MAD1L1: variants seen among roughly 807,000 people sequenced by gnomAD.
The protein encoded by MAD1L1 is mitotic spindle assembly checkpoint protein MAD1.
A neutral mutation model predicts 96.9 loss-of-function variants in MAD1L1; 95 were observed. The ratio of observed to expected loss-of-function variants is 0.98; its 90% CI spans 0.83 to 1.16. The LOEUF is 1.16. MAD1L1 is among the 50% of genes most tolerant of loss of function. The pLI is 0.00. For missense variants in MAD1L1, 1,007 were observed against 954.4 expected (o/e 1.06, Z -0.73); for synonymous variants, 473 against 396.6 (o/e 1.19, Z -2.29).
intron 11 of MAD1L1, among the ~76,000 whole-genome samples, chr7:2,124,687 C>T (rs1242004826): frequency 6.6e-6 from 1 of 152,320 alleles, no homozygotes; most frequent in South Asian, 2.1e-4. Flanking sequence ...GGTTCTCACA[C>T]ACCCCGGGAG....
At chr7:2,042,773 G>T (rs1783744487) in intron 12 of MAD1L1, among the ~76,000 whole-genome samples, 1 of 152,178 alleles carries the variant, frequency 6.6e-6, no homozygotes, top group African/African-American at 2.4e-5. Flanking sequence ...AGAAGCAGAT[G>T]CCGGCGCTGT....
chr7:2,074,873 G>A (rs970400614), intron 11 of MAD1L1, among the ~76,000 whole-genome samples: 1 of 152,218 alleles, frequency 6.6e-6, no homozygotes, highest in Non-Finnish European at 1.5e-5. Context: ...GGGACAGCCT[G>A]TGGTGTCAGA....
At chr7:2,019,145 G>A (rs1309843259) in intron 12 of MAD1L1, among the ~76,000 whole-genome samples, 7 of 151,922 alleles carry the variant, frequency 4.6e-5, no homozygotes, top group Middle Eastern at 3.4e-3. Flanking sequence ...GCTGCCACCC[G>A]CCTCCCCAGA....
At chr7:2,022,152 G>A (rs1287553570) in intron 12 of MAD1L1, among the ~76,000 whole-genome samples, 3 of 152,066 alleles carry the variant, frequency 2.0e-5, no homozygotes, top group Non-Finnish European at 2.9e-5. Context: ...TCTAATGGAC[G>A]ATTGTTTGAA....
chr7:2,135,468 A>G (rs1788705432), intron 11 of MAD1L1, among the ~76,000 whole-genome samples: 1 of 152,270 alleles, frequency 6.6e-6, no homozygotes, highest in Admixed American at 6.5e-5. Flanking sequence ...TTATAAATAT[A>G]ATTGTAAATA....
In MAD1L1 at chr7:2,213,205, T is replaced by C. The variant is rs780105127; in HGVS notation, c.986+7A>G. The C allele has an allele frequency of 6.2e-7, 1 of 1,614,046 alleles. No homozygotes were observed. Among genetic ancestry groups the C allele is most frequent in the South Asian group, 1.1e-5 (1 of 91,086 alleles). On this transcript the variant is annotated splice_region_variant and intron_variant, in intron 10 of 18. Transcript: ENST00000265854. ...GCGGGACCCCGGAGACACCTGCCCT[T>C]CCCTACCTGATGCTCAGGCCCATGG... is the stretch of plus-strand genomic sequence containing the variant.
At chr7:2,167,073 G>A (rs763837002) in intron 10 of MAD1L1, among the ~76,000 whole-genome samples, 1 of 152,180 alleles carries the variant, frequency 6.6e-6, no homozygotes, top group South Asian at 2.1e-4. Flanking sequence ...AAGCAACCCC[G>A]CTGTGGACAG....
At chr7:2,203,200 T>C (rs1194550670) in intron 10 of MAD1L1, among the ~76,000 whole-genome samples, 2 of 152,214 alleles carry the variant, frequency 1.3e-5, no homozygotes, top group Non-Finnish European at 2.9e-5. Context: ...GCAAATGATT[T>C]CCTCCCTGAA....
chr7:1,817,654 G>C (rs995671198), intron 18 of MAD1L1, among the ~76,000 whole-genome samples: 1 of 152,198 alleles, frequency 6.6e-6, no homozygotes, highest in African/African-American at 2.4e-5. Context: ...CACTGAATGT[G>C]CCGGGAGGAA....
intron 11 of MAD1L1, among the ~76,000 whole-genome samples, chr7:2,071,841 G>T (rs992968375): frequency 6.6e-6 from 1 of 152,142 alleles, no homozygotes; most frequent in African/African-American, 2.4e-5. Context: ...GGAGGGTGGC[G>T]GCCTCCATCA....
chr7:2,166,092 C>T (rs943541156), intron 10 of MAD1L1, among the ~76,000 whole-genome samples: 2 of 152,186 alleles, frequency 1.3e-5, no homozygotes, highest in African/African-American at 2.4e-5. Flanking sequence ...AAGAACAGGC[C>T]GCCAGCAGCA....
chr7:2,073,643 G>A (rs554508101), intron 11 of MAD1L1, among the ~76,000 whole-genome samples: 74 of 148,308 alleles, frequency 5.0e-4, no homozygotes, highest in Admixed American at 1.5e-3. Context: ...TTACAGACCC[G>A]GTCTGAGGAA....
At chr7:1,997,142 T>A (rs1481093896) in intron 14 of MAD1L1, among the ~76,000 whole-genome samples, 1 of 152,250 alleles carries the variant, frequency 6.6e-6, no homozygotes, top group Non-Finnish European at 1.5e-5. Context: ...AATAAGAAAG[T>A]CAGAGTGCCT....
At chr7:2,225,809 C>T (rs1483972158) in intron 3 of MAD1L1, among the ~76,000 whole-genome samples, 1 of 152,234 alleles carries the variant, frequency 6.6e-6, no homozygotes, top group Non-Finnish European at 1.5e-5. Flanking sequence ...GCCTCGAATG[C>T]CACCCATTTA....
At chr7:2,143,026 G>A (rs554617868) in intron 11 of MAD1L1, among the ~76,000 whole-genome samples, 13 of 152,106 alleles carry the variant, frequency 8.5e-5, no homozygotes, top group Non-Finnish European at 1.8e-4. Flanking sequence ...TGCCCTGAAG[G>A]CTCCCAGAAA....
chr7:1,911,145 C>A (rs561568864), intron 17 of MAD1L1, among the ~76,000 whole-genome samples: 1 of 152,308 alleles, frequency 6.6e-6, no homozygotes, highest in African/African-American at 2.4e-5. Flanking sequence ...CCCCCGCACC[C>A]CTTGAGCCAG....
At chr7:1,874,295 G>A (rs1785261887) in intron 18 of MAD1L1, among the ~76,000 whole-genome samples, 1 of 152,160 alleles carries the variant, frequency 6.6e-6, no homozygotes, top group South Asian at 2.1e-4. Context: ...GTCATCGCAC[G>A]GCCAGGCTGG....
intron 18 of MAD1L1, among the ~76,000 whole-genome samples, chr7:1,818,716 G>C (rs1354616134): frequency 6.6e-6 from 1 of 152,088 alleles, no homozygotes; most frequent in African/African-American, 2.4e-5. Context: ...ATTTGAAACA[G>C]GTGCACCCCG....
At chr7:1,854,720 C>G (rs1010629481) in intron 18 of MAD1L1, among the ~76,000 whole-genome samples, 1 of 152,210 alleles carries the variant, frequency 6.6e-6, no homozygotes. Flanking sequence ...AACCCACATC[C>G]TTCTCCACCC....
Sources: allele counts gnomAD v4.1 joint callset (sites outside exome capture counted in the v4.1 genomes callset), GRCh38; gene constraint gnomAD v4.1.1; transcripts MANE v1.5; gene names NCBI Gene and HGNC (gene_info 2026-07-23, HGNC 2026-07-21).